The following SNX29 variants were observed in gnomAD, a reference collection of about 807,000 sequenced individuals.
The protein encoded by SNX29 is sorting nexin-29.
In SNX29, 78 loss-of-function variants were observed where a neutral mutation model predicts 102.1. That is an observed-to-expected ratio of 0.76 (90% CI 0.64 to 0.92). The LOEUF (loss-of-function observed/expected upper bound fraction) is 0.92, where lower values mean the gene tolerates loss of function less well. Ranked by LOEUF, SNX29 falls within the 40% of genes least tolerant of loss-of-function variation. The probability of loss-of-function intolerance (pLI) is 0.00; values close to 1 mark genes in which losing one functional copy is unlikely to be tolerated. For synonymous variants in SNX29, 580 were observed against 414.5 expected (o/e 1.40, Z -4.85); for missense variants, 1,280 against 1,061.7 (o/e 1.21, Z -2.86).
chr16:12,477,657 C>T (rs554456526), intron 18 of SNX29, 62 bp from the exon 19 acceptor site: 154 of 1,584,520 alleles, frequency 9.7e-5, no homozygotes, highest in Admixed American at 2.9e-4. Flanking sequence ...AAAGCATAGC[C>T]GAAATCCTAC....
Position 12,568,718 on chromosome 16 carries a change from C to T in SNX29, c.*89C>T, listed in dbSNP as rs138703301. 1 of 1,522,278 alleles carries T rather than the reference C, an allele frequency of 6.6e-7. No individual in the cohort carries two copies. The highest frequency in any genetic ancestry group is 8.8e-7 in the Non-Finnish European group (1 of 1,136,764). The allele number at this position is 1,522,278 out of a possible 1,614,324, so 94.3% of individuals were successfully genotyped here. On this transcript the variant is annotated 3_prime_UTR_variant, in exon 21 of 21. Transcript: ENST00000566228. ...CCGCTGGCCCCTCACCTCAGCGTGA[C>T]AACCACGTCCACCTGGTGATCCTGA...
chr16:12,496,301 T>C lies in SNX29; in HGVS notation c.2178+18442T>C, dbSNP rs190825214. 7.0e-4 allele frequency among the ~76,000 whole-genome samples: 107 copies of C among 152,258 alleles called. 1 individual carries two copies. Among genetic ancestry groups the C allele is most frequent in the East Asian group, 1.2e-3 (6 of 5,170 alleles). The stretch of plus-strand genomic sequence containing the variant: ...CAAGTCAGGGGTTGTGTTTCCGTGG[T>C]GGTGGTGATGATAAGTACGATAAAC... On this transcript the variant is annotated intron_variant, in intron 19 of 20. Coordinates refer to ENST00000566228, the MANE Select transcript of SNX29 (RefSeq NM_032167.5).
chr16:12,453,737 G>A (rs1335874192), intron 18 of SNX29, among the ~76,000 whole-genome samples: 1 of 152,166 alleles, frequency 6.6e-6, no homozygotes, highest in Non-Finnish European at 1.5e-5. Flanking sequence ...AAAGACTGCA[G>A]TGGGACTTGT....
intron 18 of SNX29, among the ~76,000 whole-genome samples, chr16:12,468,776 G>C (rs960736148): frequency 5.9e-5 from 9 of 152,216 alleles, no homozygotes; most frequent in African/African-American, 1.9e-4. Flanking sequence ...GGGGACAGCG[G>C]GGTTTGGGAA....
At chr16:12,214,539 C>T (rs1383660395) in intron 14 of SNX29, among the ~76,000 whole-genome samples, 1 of 151,760 alleles carries the variant, frequency 6.6e-6, no homozygotes, top group Non-Finnish European at 1.5e-5. Context: ...GTAATGATGC[C>T]GTGGACCTTG....
chr16:12,560,427 C>A (rs949112009), intron 20 of SNX29, among the ~76,000 whole-genome samples: 1 of 152,158 alleles, frequency 6.6e-6, no homozygotes, highest in Non-Finnish European at 1.5e-5. Flanking sequence ...GTCCTGTAGG[C>A]ATCCATGTCC....
At chr16:12,255,316 C>G (rs918374952) in intron 14 of SNX29, among the ~76,000 whole-genome samples, 2 of 152,072 alleles carry the variant, frequency 1.3e-5, no homozygotes, top group African/African-American at 4.8e-5. Flanking sequence ...CTGCCTCAGC[C>G]TCCCGAGTAG....
At chr16:12,438,774 C>T (rs1488238709) in intron 18 of SNX29, among the ~76,000 whole-genome samples, 1 of 152,218 alleles carries the variant, frequency 6.6e-6, no homozygotes, top group Admixed American at 6.5e-5. Context: ...GAACTGAGAT[C>T]TGATGACTGA....
intron 18 of SNX29, among the ~76,000 whole-genome samples, chr16:12,450,348 G>T (rs1188000376): frequency 6.6e-6 from 1 of 152,182 alleles, no homozygotes; most frequent in East Asian, 1.9e-4. Context: ...TTTTGTTTGG[G>T]CACATTCTCA....
intron 20 of SNX29, among the ~76,000 whole-genome samples, chr16:12,558,863 C>T (rs72775205): frequency 6.6e-6 from 1 of 152,200 alleles, no homozygotes; most frequent in South Asian, 2.1e-4. Context: ...CCACAGGCAG[C>T]CCATTTGCAG....
chr16:12,573,156 G>A lies in SNX29; in HGVS notation c.*4527G>A, dbSNP rs996904821. 7.1e-5 allele frequency: 16 copies of A among 226,164 alleles called. No individual in the cohort carries two copies. The highest frequency in any genetic ancestry group is 1.4e-4 in the Non-Finnish European group (16 of 113,840). The allele number at this position is 226,164 out of a possible 1,614,324, so 14.0% of individuals were successfully genotyped here. ...TTCCAAAATAAAGCTTCAGCTCCTT[G>A]GTCAATAGAAGTAAGGGTGTAGCCA... On this transcript the variant is annotated 3_prime_UTR_variant, in exon 21 of 21. Coordinates refer to ENST00000566228, the MANE Select transcript of SNX29 (RefSeq NM_032167.5).
chr16:12,459,971 T>G (rs899481820), intron 18 of SNX29, among the ~76,000 whole-genome samples: 5 of 152,206 alleles, frequency 3.3e-5, no homozygotes, highest in African/African-American at 1.2e-4. Flanking sequence ...GAGAAGTGCC[T>G]GGCTCCCAGT....
chr16:12,469,397 C>G (rs896654944), intron 18 of SNX29, among the ~76,000 whole-genome samples: 3 of 152,228 alleles, frequency 2.0e-5, no homozygotes, highest in Non-Finnish European at 4.4e-5. Context: ...TACATTAACA[C>G]AGGCCTTGAA....
chr16:12,328,897 C>T (rs563373876), intron 15 of SNX29, among the ~76,000 whole-genome samples: 5 of 152,150 alleles, frequency 3.3e-5, no homozygotes, highest in East Asian at 1.9e-4. Flanking sequence ...GATGTGATGT[C>T]GGGACACTGT....
At chr16:12,496,724 C>T (rs566544415) in intron 19 of SNX29, among the ~76,000 whole-genome samples, 10 of 151,832 alleles carry the variant, frequency 6.6e-5, no homozygotes, top group Non-Finnish European at 1.3e-4. Context: ...TTGGCCAGGC[C>T]GATCTCGAAC....
At chr16:12,377,473 G>C (rs766730931) in intron 16 of SNX29, among the ~76,000 whole-genome samples, 2 of 152,164 alleles carry the variant, frequency 1.3e-5, no homozygotes, top group Non-Finnish European at 2.9e-5. Context: ...GGTAAAGCAA[G>C]TTCCACAGAC....
intron 3 of SNX29, among the ~76,000 whole-genome samples, chr16:12,011,965 A>C (rs2056668941): frequency 6.6e-6 from 1 of 152,192 alleles, no homozygotes; most frequent in Non-Finnish European, 1.5e-5. Flanking sequence ...TTTTTGTATG[A>C]CTAGACATAC....
rs185429904 is a variant in SNX29, at chr16:12,549,734, T to G, written c.2319-18772T>G. 6.1e-3 allele frequency among the ~76,000 whole-genome samples: 928 copies of G among 152,340 alleles called. 14 individuals are homozygous for G. The highest frequency in any genetic ancestry group is 0.021 in the African/African-American group (893 of 41,582). ...CAGGAGAGTCACCCTACAAAGTGTG[T>G]TCCAGCATTTACTTTGAGACCTGTT... is the stretch of plus-strand genomic sequence containing the variant. On this transcript the variant is annotated intron_variant, in intron 20 of 20. Coordinates refer to ENST00000566228, the MANE Select transcript of SNX29 (RefSeq NM_032167.5).
intron 20 of SNX29, among the ~76,000 whole-genome samples, chr16:12,554,686 A>T (rs940513809): frequency 6.6e-6 from 1 of 152,162 alleles, no homozygotes; most frequent in African/African-American, 2.4e-5. Context: ...GCCAATTCTC[A>T]GCATCCCTGC....
Sources: gnomAD v4.1 joint callset for allele counts (sites outside exome capture counted in the v4.1 genomes callset) on GRCh38, gnomAD v4.1.1 for gene constraint, MANE v1.5 for transcripts, NCBI Gene and HGNC (gene_info 2026-07-23, HGNC 2026-07-21) for gene names.